ITGA9: variants seen among roughly 807,000 people sequenced by gnomAD.
ITGA9 encodes the protein integrin alpha-9.
In ITGA9, 56 loss-of-function variants were observed where a neutral mutation model predicts 127.8. The observed-to-expected ratio is 0.44, with a 90% confidence interval of 0.35 to 0.55. ITGA9 has a LOEUF of 0.55. ITGA9 is among the 20% of genes least tolerant of loss of function. ITGA9 has a pLI of 0.00. For synonymous variants in ITGA9, 508 were observed against 514.5 expected, an observed-to-expected ratio of 0.99 and a Z score of 0.17; for missense variants, 1,196 against 1,347.1, an observed-to-expected ratio of 0.89 and a Z score of 1.76.
intron 1 of ITGA9, 126 bp from the exon 2 acceptor site, chr3:37,470,881 G>C: frequency 1.1e-6 from 1 of 938,120 alleles, no homozygotes. Context: ...ACACAGAAAA[G>C]TATAATAATA....
chr3:37,749,195 G>A, intron 22 of ITGA9: 1 of 185,364 alleles, frequency 5.4e-6, no homozygotes, highest in Middle Eastern at 2.5e-3. Flanking sequence ...AGGGCTGCCT[G>A]CATTCTTTGG....
At chr3:37,510,782 G>T (rs929386221) in intron 8 of ITGA9, among the ~76,000 whole-genome samples, 1 of 151,930 alleles carries the variant, frequency 6.6e-6, no homozygotes, top group Non-Finnish European at 1.5e-5. Context: ...GGCTCTTCTG[G>T]CCCTAACCTT....
At chr3:37,596,862 G>C (rs1699875640) in intron 15 of ITGA9, among the ~76,000 whole-genome samples, 1 of 152,180 alleles carries the variant, frequency 6.6e-6, no homozygotes, top group Non-Finnish European at 1.5e-5. Context: ...AGCGTGCAAT[G>C]CCACAAAGCC....
intron 17 of ITGA9, among the ~76,000 whole-genome samples, chr3:37,665,876 G>T (rs1700581294): frequency 6.6e-6 from 1 of 152,174 alleles, no homozygotes; most frequent in Non-Finnish European, 1.5e-5. Flanking sequence ...TGGGATTTAG[G>T]CCCCAGGGAA....
intron 18 of ITGA9, among the ~76,000 whole-genome samples, chr3:37,718,184 A>T (rs942087593): frequency 6.6e-6 from 1 of 152,262 alleles, no homozygotes; most frequent in African/African-American, 2.4e-5. Flanking sequence ...GGAATGTAAG[A>T]TGTAACAGAA....
intron 15 of ITGA9, among the ~76,000 whole-genome samples, chr3:37,604,989 C>T (rs754599906): frequency 2.0e-5 from 3 of 152,152 alleles, no homozygotes; most frequent in Non-Finnish European, 4.4e-5. Context: ...CATGAGTACT[C>T]TTCACAGACC....
intron 23 of ITGA9, among the ~76,000 whole-genome samples, chr3:37,759,861 G>T (rs925913176): frequency 1.3e-5 from 2 of 150,790 alleles, no homozygotes; most frequent in African/African-American, 4.9e-5. Flanking sequence ...GCCGAGATGT[G>T]CCACTGCACT....
At chr3:37,556,790 G>A (rs1424816661) in intron 15 of ITGA9, among the ~76,000 whole-genome samples, 1 of 152,248 alleles carries the variant, frequency 6.6e-6, no homozygotes, top group African/African-American at 2.4e-5. Flanking sequence ...GTGGGCCTCG[G>A]AGGGGCCAGA....
intron 15 of ITGA9, among the ~76,000 whole-genome samples, chr3:37,613,784 A>G (rs1700047213): frequency 6.6e-6 from 1 of 152,196 alleles, no homozygotes; most frequent in African/African-American, 2.4e-5. Flanking sequence ...GTCTGTTGAT[A>G]TCCTTTGCCC....
At chr3:37,737,039 A>C in intron 20 of ITGA9, 56 bp downstream of exon 20, 1 of 1,110,544 alleles carries the variant, frequency 9.0e-7, no homozygotes, top group Non-Finnish European at 1.4e-6. Flanking sequence ...GGGACCAGGA[A>C]AGGATGTGTC....
chr3:37,500,759 A>G (rs1474563036), intron 5 of ITGA9, among the ~76,000 whole-genome samples: 1 of 152,158 alleles, frequency 6.6e-6, no homozygotes, highest in African/African-American at 2.4e-5. Flanking sequence ...GCAGAGGGAG[A>G]TCAACCTGAA....
intron 17 of ITGA9, among the ~76,000 whole-genome samples, chr3:37,662,386 G>A (rs1002993046): frequency 7.0e-6 from 1 of 143,818 alleles, no homozygotes; most frequent in Non-Finnish European, 1.6e-5. Context: ...CTGGGTGACC[G>A]GGGGCAAAAA....
At chr3:37,544,098 C>G (rs565623879) in intron 15 of ITGA9, among the ~76,000 whole-genome samples, 66 of 152,368 alleles carry the variant, frequency 4.3e-4, no homozygotes, top group Non-Finnish European at 7.2e-4. Flanking sequence ...TCTCGGGCCT[C>G]TTCTTGCTAG....
chr3:37,662,769 A>T lies in ITGA9; in HGVS notation c.1916+8979A>T, dbSNP rs865901261. Among the ~76,000 whole-genome samples, 551 of 152,268 alleles carry T rather than the reference A, an allele frequency of 3.6e-3. 1 individual carries two copies. The highest frequency in any genetic ancestry group is 0.024 in the Middle Eastern group (7 of 294). On this transcript the variant is annotated intron_variant, in intron 17 of 27. Coordinates refer to ENST00000264741, the MANE Select transcript of ITGA9 (RefSeq NM_002207.3). ...TCTCCTGTTAGCCGTGACCTTACTC[A>T]CTGTACGAAAAGTCGAAGCAAAGGG...
intron 26 of ITGA9, among the ~76,000 whole-genome samples, chr3:37,795,428 C>T (rs1697159902): frequency 6.6e-6 from 1 of 152,172 alleles, no homozygotes; most frequent in African/African-American, 2.4e-5. Flanking sequence ...TTAGGTTCAC[C>T]CACTGCCTCA....
intron 15 of ITGA9, among the ~76,000 whole-genome samples, chr3:37,568,925 C>T (rs912554851): frequency 3.3e-5 from 5 of 152,182 alleles, no homozygotes; most frequent in African/African-American, 4.8e-5. Context: ...ATTTCAAAGT[C>T]GCTTCCACAT....
At chr3:37,741,670 AGCCCACT>A (rs1696436550) in intron 20 of ITGA9, 53 bp from the exon 21 acceptor site, 1 of 1,297,498 alleles carries the variant, frequency 7.7e-7, no homozygotes, top group African/African-American at 1.5e-5. Context: ...GAACAGAGAA[AGCCCACT>A]GCTGGACAGC....
At chr3:37,560,162 T>C (rs555344939) in intron 15 of ITGA9, among the ~76,000 whole-genome samples, 25 of 151,882 alleles carry the variant, frequency 1.6e-4, no homozygotes, top group Non-Finnish European at 3.1e-4. Flanking sequence ...CCAAGTGATG[T>C]CATTGTTCAA....
intron 1 of ITGA9, among the ~76,000 whole-genome samples, chr3:37,460,477 G>A (rs959980511): frequency 4.6e-5 from 7 of 151,898 alleles, no homozygotes; most frequent in Non-Finnish European, 7.4e-5. Context: ...AAGGATAAAC[G>A]CTTCAGGTGA....
Sources: allele counts gnomAD v4.1 joint callset (sites outside exome capture counted in the v4.1 genomes callset), GRCh38; gene constraint gnomAD v4.1.1; transcripts MANE v1.5; gene names NCBI Gene and HGNC (gene_info 2026-07-23, HGNC 2026-07-21).